Variants in SLC4A8 observed in about 807,000 individuals in gnomAD.
SLC4A8 encodes the protein electroneutral sodium bicarbonate exchanger 1.
A neutral mutation model predicts 125.0 loss-of-function variants in SLC4A8; 40 were observed. The observed-to-expected ratio is 0.32, with a 90% CI of 0.25 to 0.42. The LOEUF is 0.42. Among genes scored for constraint, SLC4A8 ranks in the 10% least tolerant of loss-of-function variants. SLC4A8 has a pLI of 1.00. For synonymous variants in SLC4A8, 456 were observed against 476.0 expected (o/e 0.96, Z 0.55); for missense variants, 863 against 1,355.1 (o/e 0.64, Z 5.70).
At position 51,507,698 on chromosome 12, in the gene SLC4A8, C is replaced by A. The variant is rs911271119; in HGVS notation, c.*260C>A. The A allele has an allele frequency of 3.4e-5, 12 of 351,764 alleles. No individual in the cohort carries two copies. Among genetic ancestry groups the A allele is most frequent in the African/African-American group, 2.3e-4 (11 of 47,446 alleles). 21.8% of individuals were successfully genotyped at this position (351,764 alleles called of 1,614,324 possible). ...CCTGTTGGTTCTTCTCCTCTTCCTT[C>A]TTTTTCTCTTTAGAACGGCCACCAT... On this transcript the variant is annotated 3_prime_UTR_variant, in exon 25 of 25. Coordinates refer to ENST00000453097, the MANE Select transcript of SLC4A8 (RefSeq NM_001039960.3).
At chr12:51,481,856 G>A (rs950270177) in intron 16 of SLC4A8, among the ~76,000 whole-genome samples, 4 of 152,048 alleles carry the variant, frequency 2.6e-5, no homozygotes, top group Non-Finnish European at 5.9e-5. Flanking sequence ...GGAAGGCTGA[G>A]GTGGAAGGAT....
At chr12:51,421,800 T>C (rs1948794978), upstream of SLC4A8, among the ~76,000 whole-genome samples, 1 of 152,320 alleles carries the variant, frequency 6.6e-6, no homozygotes, top group Non-Finnish European at 1.5e-5. Context: ...TACAACATAG[T>C]GGTCAAGAAC....
At chr12:51,423,311 G>T (rs1592156431), upstream of SLC4A8, among the ~76,000 whole-genome samples, 1 of 152,162 alleles carries the variant, frequency 6.6e-6, no homozygotes, top group Admixed American at 6.5e-5. Context: ...AGGGGTATCA[G>T]GGACAGTAGA....
At chr12:51,480,191 G>A (rs769246436) in intron 16 of SLC4A8, 125 of 1,033,472 alleles carry the variant, frequency 1.2e-4, no homozygotes, top group Non-Finnish European at 1.5e-4. Flanking sequence ...TGCCTGCCTC[G>A]GCCTCCCAAA....
chr12:51,424,037 C>CAAAAAAAAAAAAAAA (rs35611847), upstream of SLC4A8, among the ~76,000 whole-genome samples: 1 of 38,190 alleles, frequency 2.6e-5, no homozygotes, highest in African/African-American at 1.0e-4. Flanking sequence ...ACTTCGTCTC[C>CAAAAAAAAAAAAAAA]AAAAAAAAAA....
intron 1 of SLC4A8, among the ~76,000 whole-genome samples, chr12:51,393,281 G>A (rs991592507): frequency 5.3e-5 from 8 of 152,070 alleles, no homozygotes; most frequent in Admixed American, 3.9e-4. Flanking sequence ...TTTTTGTAGA[G>A]AGGGAGTTTC....
chr12:51,440,857 T>TG, intron 2 of SLC4A8, 68 bp downstream of exon 2: 1 of 1,331,922 alleles, frequency 7.5e-7, no homozygotes, highest in Non-Finnish European at 1.0e-6. Flanking sequence ...AAGACCTGGC[T>TG]CTGTGTCCTA....
chr12:51,400,731 TATA>T (rs1948358800), intron 1 of SLC4A8, among the ~76,000 whole-genome samples: 3 of 288 alleles, frequency 0.01, no homozygotes, highest in African/African-American at 0.045. Context: ...CTCCTTTATA[TATA>T]TATATATATA....
chr12:51,397,465 A>C (rs1422006436), intron 1 of SLC4A8, among the ~76,000 whole-genome samples: 1 of 152,174 alleles, frequency 6.6e-6, no homozygotes, highest in African/African-American at 2.4e-5. Flanking sequence ...GAGAACAGAG[A>C]GGAGAATAAG....
intron 1 of SLC4A8, among the ~76,000 whole-genome samples, chr12:51,402,005 T>A (rs1402877442): frequency 3.3e-5 from 5 of 152,118 alleles, no homozygotes; most frequent in African/African-American, 1.2e-4. Flanking sequence ...TGAGCTTAAG[T>A]GATCCTCCTC....
In SLC4A8 at chr12:51,511,948, T is replaced by C. The variant is rs1938380118; in HGVS notation, c.*4510T>C. 6.6e-6 allele frequency: 1 copy of C among 152,248 alleles called. No individual in the cohort carries two copies. The highest frequency in any genetic ancestry group is 2.1e-4 in the South Asian group (1 of 4,838). The allele number at this position is 152,248 out of a possible 1,614,324, so 9.4% of individuals were successfully genotyped here. The stretch of plus-strand genomic sequence containing the variant: ...TATTAAATCTGTTTTCAACAGCCCT[T>C]GCATAGGTGTTATCTCTCAAATCTC... On this transcript the variant is annotated 3_prime_UTR_variant, in exon 25 of 25. Transcript: ENST00000453097.
upstream of SLC4A8, among the ~76,000 whole-genome samples, chr12:51,420,427 C>T (rs182282042): frequency 1.4e-3 from 216 of 152,210 alleles, no homozygotes; most frequent in African/African-American, 4.9e-3. Flanking sequence ...AGACTTTTTG[C>T]GTTTCTTATA....
At chr12:51,477,612 T>TAA (rs1384228329) in intron 16 of SLC4A8, among the ~76,000 whole-genome samples, 1 of 152,216 alleles carries the variant, frequency 6.6e-6, no homozygotes, top group Admixed American at 6.5e-5. Context: ...TATTTTTAGT[T>TAA]AAAATAGTCT....
chr12:51,511,346 G>C lies in SLC4A8; in HGVS notation c.*3908G>C, dbSNP rs1342355106. On this transcript the variant is annotated 3_prime_UTR_variant, in exon 25 of 25. Coordinates refer to ENST00000453097, the MANE Select transcript of SLC4A8 (RefSeq NM_001039960.3). ...GGATCTCCAAGCATCTCTGAATTTG[G>C]GGATTTCATCAGTTACTCCTGGAAT... The C allele has an allele frequency of 6.6e-6, 1 of 152,118 alleles. No individual in the cohort carries two copies. Among genetic ancestry groups the C allele is most frequent in the South Asian group, 2.1e-4 (1 of 4,824 alleles). 9.4% of individuals were successfully genotyped at this position (152,118 alleles called of 1,614,324 possible).
chr12:51,445,314 A>C (rs1214256101), intron 2 of SLC4A8, among the ~76,000 whole-genome samples: 1 of 152,074 alleles, frequency 6.6e-6, no homozygotes, highest in African/African-American at 2.4e-5. Flanking sequence ...GACTACAGGC[A>C]TGCACCACCA....
intron 22 of SLC4A8, 105 bp from the exon 23 acceptor site, chr12:51,503,924 A>G (rs1165079009): frequency 3.1e-6 from 2 of 652,546 alleles, no homozygotes; most frequent in Non-Finnish European, 5.3e-6. Flanking sequence ...TATTCTTTAT[A>G]ATAAATGCAC....
At chr12:51,441,038 C>T in intron 2 of SLC4A8, 1 of 1,154,360 alleles carries the variant, frequency 8.7e-7, no homozygotes, top group Non-Finnish European at 1.1e-6. Context: ...CGGTGAAGTC[C>T]AATATAAATA....
intron 6 of SLC4A8, among the ~76,000 whole-genome samples, chr12:51,458,066 T>G (rs1486969834): frequency 1.3e-5 from 2 of 152,194 alleles, no homozygotes; most frequent in Non-Finnish European, 2.9e-5. Context: ...TATTGTGAAC[T>G]TCAATGAGTT....
chr12:51,437,529 A>G (rs1279901973), intron 1 of SLC4A8, among the ~76,000 whole-genome samples: 2 of 152,080 alleles, frequency 1.3e-5, no homozygotes, highest in South Asian at 4.1e-4. Context: ...TCTTGCCCCC[A>G]TCTTGCCATA....
Sources: gnomAD v4.1 joint callset for allele counts (sites outside exome capture counted in the v4.1 genomes callset) on GRCh38, gnomAD v4.1.1 for gene constraint, MANE v1.5 for transcripts, NCBI Gene and HGNC (gene_info 2026-07-23, HGNC 2026-07-21) for gene names.